Variants in ANK3 observed in about 807,000 individuals in gnomAD.
The protein encoded by ANK3 is ankyrin-3.
ANK3 carries 57 observed loss-of-function variants against 370.9 expected under a neutral mutation model. That is an observed-to-expected ratio of 0.15 (90% confidence interval 0.12 to 0.19). ANK3 has a LOEUF of 0.19. Among genes scored for constraint, ANK3 ranks in the 10% least tolerant of loss-of-function variants. The pLI is 1.00. For missense variants in ANK3, 4,439 were observed against 5,302.1 expected (o/e 0.84, Z 5.06); for synonymous variants, 1,929 against 1,946.3 (o/e 0.99, Z 0.23).
At chr10:60,143,564 TAA>T (rs1370338593) in intron 23 of ANK3, among the ~76,000 whole-genome samples, 1 of 152,206 alleles carries the variant, frequency 6.6e-6, no homozygotes, top group Non-Finnish European at 1.5e-5. Context: ...TTATGTTTTC[TAA>T]AGTTATTTGG....
At chr10:60,624,203 A>C (rs1027274459) in intron 1 of ANK3, among the ~76,000 whole-genome samples, 2 of 152,174 alleles carry the variant, frequency 1.3e-5, no homozygotes, top group African/African-American at 4.8e-5. Context: ...AACCTAAATT[A>C]AAAGTAAAAA....
At chr10:60,523,252 T>C (rs2076390485) in intron 2 of ANK3, among the ~76,000 whole-genome samples, 2 of 151,934 alleles carry the variant, frequency 1.3e-5, no homozygotes, top group Admixed American at 1.3e-4. Context: ...ATTTTATTAT[T>C]ATTATACTTT....
At chr10:60,374,490 C>A (rs2060510119) in intron 1 of ANK3, among the ~76,000 whole-genome samples, 1 of 152,112 alleles carries the variant, frequency 6.6e-6, no homozygotes, top group South Asian at 2.1e-4. Flanking sequence ...CAGACCAACA[C>A]AAAGACCCAC....
intron 1 of ANK3, among the ~76,000 whole-genome samples, chr10:60,731,002 A>G (rs533616816): frequency 1.3e-5 from 2 of 152,224 alleles, no homozygotes; most frequent in East Asian, 3.8e-4. Context: ...TATAATCTCC[A>G]ATTTGGATTA....
intron 2 of ANK3, among the ~76,000 whole-genome samples, chr10:60,443,544 A>G (rs766804467): frequency 2.6e-5 from 4 of 152,146 alleles, no homozygotes; most frequent in Non-Finnish European, 5.9e-5. Flanking sequence ...CTGCCAACAT[A>G]AACTCCTTCA....
intron 1 of ANK3, among the ~76,000 whole-genome samples, chr10:60,375,502 G>C (rs560395888): frequency 4.2e-4 from 64 of 152,076 alleles, no homozygotes; most frequent in African/African-American, 1.4e-3. Flanking sequence ...TGCCTGGGGG[G>C]GGAGGGGGGA....
chr10:60,539,227 T>C (rs1353204664), intron 2 of ANK3, among the ~76,000 whole-genome samples: 1 of 151,976 alleles, frequency 6.6e-6, no homozygotes, highest in Admixed American at 6.6e-5. Flanking sequence ...CTATTATTGT[T>C]AGAAATTTCA....
chr10:60,303,938 G>A (rs910562892), intron 1 of ANK3, among the ~76,000 whole-genome samples: 1 of 151,820 alleles, frequency 6.6e-6, no homozygotes, highest in Non-Finnish European at 1.5e-5. Flanking sequence ...ATCATAAAGA[G>A]AGATAAATCC....
At chr10:60,238,005 C>T (rs113987155) in intron 7 of ANK3, among the ~76,000 whole-genome samples, 2,489 of 152,222 alleles carry the variant, frequency 0.016, 81 homozygotes, top group African/African-American at 0.057. Context: ...ATTCAGAAGA[C>T]GTTTGTTTAA....
intron 2 of ANK3, among the ~76,000 whole-genome samples, chr10:60,600,269 C>T (rs56085753): frequency 0.12 from 18,474 of 152,154 alleles, 1,587 homozygotes; most frequent in East Asian, 0.27. Flanking sequence ...TGTTTAAAAT[C>T]TACTTGTGTC....
At chr10:60,157,389 T>C (rs151005859) in intron 23 of ANK3, among the ~76,000 whole-genome samples, 64 of 150,558 alleles carry the variant, frequency 4.3e-4, no homozygotes, top group South Asian at 1.1e-3. Context: ...GGCTGGAGTG[T>C]AGTGGTGCAA....
chr10:60,067,408 C>G (rs2081873272), intron 38 of ANK3, among the ~76,000 whole-genome samples: 1 of 152,068 alleles, frequency 6.6e-6, no homozygotes, highest in African/African-American at 2.4e-5. Context: ...AGTGAGTTTA[C>G]TTAAAGAAGA....
chr10:60,648,894 C>A (rs2078749715), intron 1 of ANK3, among the ~76,000 whole-genome samples: 1 of 144,858 alleles, frequency 6.9e-6, no homozygotes, highest in Admixed American at 7.1e-5. Context: ...GCTCCTGCTC[C>A]CCCAAAACCA....
chr10:60,398,626 C>T (rs1264893863), intron 2 of ANK3, among the ~76,000 whole-genome samples: 1 of 152,158 alleles, frequency 6.6e-6, no homozygotes, highest in African/African-American at 2.4e-5. Context: ...ACCATGTCCA[C>T]ACAGATAACG....
chr10:60,070,884 T>A lies in ANK3; in HGVS notation c.9997A>T (p.Thr3333Ser), dbSNP rs140183285. 2.3e-3 allele frequency: 3,651 copies of A among 1,614,070 alleles called. 6 individuals are homozygous for A. Among genetic ancestry groups the A allele is most frequent in the Admixed American group, 2.8e-3 (169 of 59,978 alleles). The change falls in exon 37 of 44, where the codon ACC becomes TCC. Residue 3333 changes from threonine to serine, a missense_variant. Transcript: ENST00000280772. This position sits in a 1 kb window ranked among gnomAD's most constrained non-coding sequence, Gnocchi z 5.7. ...TCGTCCACTTCCTTTAATTTGAAGG[T>A]ATATTTTTTAACTGGGACTGGCTGA... ...IYQPVPVKKY[T>S]FKLKEVDDEQ...
At chr10:60,096,186 G>T (rs1220027975) in intron 28 of ANK3, among the ~76,000 whole-genome samples, 1 of 151,844 alleles carries the variant, frequency 6.6e-6, no homozygotes, top group African/African-American at 2.4e-5. Context: ...AATAAAGAAA[G>T]AAATAAAATA....
intron 2 of ANK3, among the ~76,000 whole-genome samples, chr10:60,611,615 A>G (rs1349995260): frequency 6.6e-6 from 1 of 152,068 alleles, no homozygotes; most frequent in East Asian, 1.9e-4. Flanking sequence ...TTTGCCTGAT[A>G]TGCTGCAGCA....
At chr10:60,716,848 T>C (rs2079798017) in intron 1 of ANK3, among the ~76,000 whole-genome samples, 1 of 152,066 alleles carries the variant, frequency 6.6e-6, no homozygotes, top group South Asian at 2.1e-4. Flanking sequence ...AAGCTGAGAG[T>C]GGAGATTTCC....
At chr10:60,615,272 T>A in intron 1 of ANK3, 1 of 1,368,942 alleles carries the variant, frequency 7.3e-7, no homozygotes, top group Non-Finnish European at 9.8e-7. Flanking sequence ...AAGAATTCCA[T>A]ATATTTACCA....
Sources: allele counts gnomAD v4.1 joint callset (sites outside exome capture counted in the v4.1 genomes callset), GRCh38; gene constraint gnomAD v4.1.1; non-coding constraint Gnocchi (gnomAD v3.1); transcripts MANE v1.5; gene names NCBI Gene and HGNC (gene_info 2026-07-23, HGNC 2026-07-21).